MAK: variants seen among roughly 807,000 people sequenced by gnomAD.
MAK encodes male germ cell associated kinase.
Under a neutral mutation model 82.6 loss-of-function variants are expected in MAK, and 65 were observed. The observed-to-expected ratio is 0.79, with a 90% confidence interval of 0.64 to 0.97. The LOEUF (loss-of-function observed/expected upper bound fraction) is 0.97, where lower values mean the gene tolerates loss of function less well. Ranked by LOEUF, MAK falls within the 50% of genes least tolerant of loss-of-function variation. The probability of loss-of-function intolerance (pLI) is 0.00; values close to 1 mark genes in which losing one functional copy is unlikely to be tolerated. For missense variants in MAK, 703 were observed against 780.2 expected (o/e 0.90, Z 1.18); for synonymous variants, 250 against 274.2 (o/e 0.91, Z 0.87).
At chr6:10,802,911 G>C (rs1439274122) in intron 7 of MAK, among the ~76,000 whole-genome samples, 1 of 152,116 alleles carries the variant, frequency 6.6e-6, no homozygotes, top group Non-Finnish European at 1.5e-5. Context: ...CAGAAAGAAA[G>C]GTGTAGATGA....
chr6:10,787,145 C>T (rs972742952), intron 10 of MAK, among the ~76,000 whole-genome samples: 3 of 150,340 alleles, frequency 2.0e-5, no homozygotes, highest in African/African-American at 7.3e-5. Context: ...TTCACCACTC[C>T]GCTAATTCAC....
intron 10 of MAK, among the ~76,000 whole-genome samples, chr6:10,789,664 C>CT (rs991186612): frequency 9.9e-5 from 15 of 152,034 alleles, no homozygotes; most frequent in Middle Eastern, 6.8e-3. Flanking sequence ...TCAAAAATAT[C>CT]TTTTTTTTGT....
At chr6:10,780,271 A>G (rs1773840042) in intron 11 of MAK, 1 of 981,822 alleles carries the variant, frequency 1.0e-6, no homozygotes, top group African/African-American at 1.7e-5. Flanking sequence ...ATTTCTAGTT[A>G]AAAAGGAAAT....
At position 10,800,042 on chromosome 6, in the gene MAK, C is replaced by T. The variant is rs1449996370; in HGVS notation, c.831+1850G>A. Among the ~76,000 whole-genome samples, 2 of 149,322 alleles carry T rather than the reference C, an allele frequency of 1.3e-5. No homozygotes were observed. Among genetic ancestry groups the T allele is most frequent in the African/African-American group, 5.0e-5 (2 of 40,016 alleles). On this transcript the variant is annotated intron_variant, in intron 8 of 14. Transcript: ENST00000354489. The surrounding 1 kb of genome is among the most constrained non-coding windows in gnomAD (Gnocchi z 4.2). ...CAGCCTGGGCGATGGAGCGAGACTCCGTTTCAAAAACAAAAACAAAAACAA... is the reference window on the plus strand; with the variant it reads ...CAGCCTGGGCGATGGAGCGAGACTCTGTTTCAAAAACAAAAACAAAAACAA...
chr6:10,803,690 T>G, intron 7 of MAK, 30 bp downstream of exon 7: 1 of 1,591,450 alleles, frequency 6.3e-7, no homozygotes. Context: ...TAATCAAAAG[T>G]TATAGCAACT....
chr6:10,826,637 C>T (rs1465262506), intron 2 of MAK: 1 of 152,234 alleles, frequency 6.6e-6, no homozygotes, highest in East Asian at 1.9e-4. Context: ...TGAAAGCCCT[C>T]CTTCTCTACC....
intron 6 of MAK, among the ~76,000 whole-genome samples, chr6:10,804,631 C>T (rs1181706755): frequency 6.6e-6 from 1 of 152,224 alleles, no homozygotes; most frequent in Non-Finnish European, 1.5e-5. Context: ...GCATGAGCCA[C>T]TGCACCCAGC....
chr6:10,813,044 C>G (rs1207385849), intron 5 of MAK, among the ~76,000 whole-genome samples: 1 of 124,192 alleles, frequency 8.1e-6, no homozygotes, highest in African/African-American at 3.0e-5. Flanking sequence ...GCTGGGATTA[C>G]AGGTGTGAGT....
intron 1 of MAK, among the ~76,000 whole-genome samples, chr6:10,835,321 G>A (rs752858010): frequency 7.9e-5 from 12 of 152,300 alleles, no homozygotes; most frequent in African/African-American, 2.4e-4. Context: ...GTGTGGTGGC[G>A]TTATCTCTGC....
chr6:10,820,384 C>A (rs1232302894), intron 2 of MAK, among the ~76,000 whole-genome samples: 1 of 152,110 alleles, frequency 6.6e-6, no homozygotes, highest in Non-Finnish European at 1.5e-5. Flanking sequence ...AACATCACAG[C>A]CAAGAACAGA....
At chr6:10,821,063 C>T (rs1777904290) in intron 2 of MAK, among the ~76,000 whole-genome samples, 1 of 152,104 alleles carries the variant, frequency 6.6e-6, no homozygotes, top group African/African-American at 2.4e-5. Context: ...ATCCTCCCAC[C>T]TCTGCCTCCT....
chr6:10,790,389 T>C (rs1774971962), intron 10 of MAK, among the ~76,000 whole-genome samples: 1 of 152,152 alleles, frequency 6.6e-6, no homozygotes, highest in Non-Finnish European at 1.5e-5. Context: ...ACTTGTTCTT[T>C]CTATTCTTCT....
intron 5 of MAK, among the ~76,000 whole-genome samples, chr6:10,809,831 G>A (rs543935374): frequency 2.6e-5 from 4 of 152,302 alleles, no homozygotes; most frequent in East Asian, 3.9e-4. Context: ...CAGGCGTGGT[G>A]GCTCACGCCT....
Position 10,808,890 on chromosome 6 carries a change from C to A in MAK, c.411G>T (p.Glu137Asp), listed in dbSNP as rs201804752. The change falls in exon 6 of 15, where the codon GAG becomes GAT. Residue 137 changes from glutamate (E) to aspartate (D), a missense_variant. Coordinates refer to ENST00000354489, the MANE Select transcript of MAK (RefSeq NM_001242957.3). ...KPENLLCMGP[E>D]LVKIADFGLA... ...GTCCAAAATCAGCAATTTTCACAAG[C>A]TCTGGACCCATACAAAGCAAGTTTT... 6.2e-7 allele frequency: 1 copy of A among 1,613,776 alleles called. No homozygotes were observed. Among genetic ancestry groups the A allele is most frequent in the East Asian group, 2.2e-5 (1 of 44,858 alleles).
At chr6:10,823,259 T>TACTTGTTAAATTCCATATGGA (rs1180147720) in intron 2 of MAK, among the ~76,000 whole-genome samples, 67 of 152,340 alleles carry the variant, frequency 4.4e-4, no homozygotes, top group African/African-American at 1.3e-3. Context: ...GTTTACTTCC[T>TACTTGTTAAATTCCATATGGA]ACTTGTTAAA....
chr6:10,806,089 G>T (rs1343786064), intron 6 of MAK, among the ~76,000 whole-genome samples: 5 of 152,140 alleles, frequency 3.3e-5, no homozygotes, highest in Admixed American at 2.6e-4. Flanking sequence ...CTGAGAGAGT[G>T]GGTTGCTCCA....
At chr6:10,813,206 T>A (rs1015188180) in intron 5 of MAK, among the ~76,000 whole-genome samples, 1 of 126,906 alleles carries the variant, frequency 7.9e-6, no homozygotes, top group African/African-American at 3.0e-5. Context: ...TGGAGTGCAA[T>A]GGCATGATCT....
chr6:10,776,598 C>T lies in MAK; in HGVS notation c.1466-1139G>A, dbSNP rs1055014900. 1.3e-5 allele frequency among the ~76,000 whole-genome samples: 2 copies of T among 152,030 alleles called. No homozygotes were observed. Among genetic ancestry groups the T allele is most frequent in the Non-Finnish European group, 2.9e-5 (2 of 68,012 alleles). ...TCCAGGCAGTTGAGCTTTTGCTTTC[C>T]GCGAGCTGGATTCCTTAGAAAGGTT... On this transcript the variant is annotated intron_variant, in intron 11 of 14. Transcript: ENST00000354489. The surrounding 1 kb of genome is among the most constrained non-coding windows in gnomAD (Gnocchi z 4.3).
At chr6:10,837,540 C>T (rs935612535) in intron 1 of MAK, among the ~76,000 whole-genome samples, 10 of 152,196 alleles carry the variant, frequency 6.6e-5, no homozygotes, top group African/African-American at 2.2e-4. Context: ...TGGAAAGTCA[C>T]TTTTGTTTTC....
Sources: allele counts gnomAD v4.1 joint callset (sites outside exome capture counted in the v4.1 genomes callset), GRCh38; gene constraint gnomAD v4.1.1; non-coding constraint Gnocchi (gnomAD v3.1); transcripts MANE v1.5; gene names NCBI Gene and HGNC (gene_info 2026-07-23, HGNC 2026-07-21).